The following CRMP1 variants were observed in gnomAD, a reference collection of about 807,000 sequenced individuals.
The protein encoded by CRMP1 is dihydropyrimidinase-related protein 1.
A neutral mutation model predicts 68.3 loss-of-function variants in CRMP1; 19 were observed. The observed-to-expected ratio is 0.28, with a 90% confidence interval of 0.19 to 0.41. The LOEUF (loss-of-function observed/expected upper bound fraction) is 0.41. CRMP1 is among the 10% of genes least tolerant of loss of function. The pLI, the probability that CRMP1 is intolerant of heterozygous loss-of-function variation, is 1.00. For synonymous variants in CRMP1, 439 were observed against 399.6 expected (o/e 1.10, Z -1.18); for missense variants, 791 against 967.4 (o/e 0.82, Z 2.42).
chr4:5,827,690 A>G (rs766225665), intron 12 of CRMP1, among the ~76,000 whole-genome samples: 13 of 151,734 alleles, frequency 8.6e-5, no homozygotes, highest in Non-Finnish European at 1.5e-4. Context: ...ATGCATGTAC[A>G]CATGCACACA....
chr4:5,875,002 G>T (rs1714713005), intron 1 of CRMP1, among the ~76,000 whole-genome samples: 1 of 152,192 alleles, frequency 6.6e-6, no homozygotes, highest in South Asian at 2.1e-4. Context: ...CAGAGGAGCA[G>T]CCAGGCAAGA....
chr4:5,851,595 C>T, intron 4 of CRMP1, 126 bp from the exon 5 acceptor site: 2 of 909,378 alleles, frequency 2.2e-6, no homozygotes, highest in Non-Finnish European at 3.5e-6. Context: ...TTGGGATCCC[C>T]AGTGGGGCAC....
At position 5,855,623 on chromosome 4, in the gene CRMP1, T is replaced by C. The variant is rs1713001542; in HGVS notation, c.820+520A>G. 6.6e-6 allele frequency among the ~76,000 whole-genome samples: 1 copy of C among 152,198 alleles called. No individual in the cohort carries two copies. Among genetic ancestry groups the C allele is most frequent in the Non-Finnish European group, 1.5e-5 (1 of 68,038 alleles). On this transcript the variant is annotated intron_variant, in intron 4 of 13. Coordinates refer to ENST00000324989, the MANE Select transcript of CRMP1 (RefSeq NM_001014809.3). This position sits in a 1 kb window ranked among gnomAD's most constrained non-coding sequence, Gnocchi z 4.9. ...GCAGAAGAGCCAGACAGACAAACCATGTCCCATAATCCAGGAACAATGGAA... is the reference window on the plus strand; with the variant it reads ...GCAGAAGAGCCAGACAGACAAACCACGTCCCATAATCCAGGAACAATGGAA...
chr4:5,874,146 C>G (rs1020175132), intron 1 of CRMP1, among the ~76,000 whole-genome samples: 1 of 152,124 alleles, frequency 6.6e-6, no homozygotes, highest in African/African-American at 2.4e-5. Flanking sequence ...AATTTGTCCT[C>G]TAGAAAATAT....
intron 5 of CRMP1, among the ~76,000 whole-genome samples, chr4:5,851,071 C>T (rs141083556): frequency 4.4e-4 from 67 of 152,298 alleles, no homozygotes; most frequent in African/African-American, 1.0e-3. Flanking sequence ...GCAGAGCTTT[C>T]GGGAAGTACA....
rs368103001 is a variant in CRMP1 at position 5,856,726 on chromosome 4, AT to A, written c.656-420del. On this transcript the variant is annotated intron_variant, in intron 3 of 13. Coordinates refer to ENST00000324989, the MANE Select transcript of CRMP1 (RefSeq NM_001014809.3). ...CACTACCACCACCGTCATCACTATC[AT>A]TATCGCTCATCACTATCATCACCTC... 7.1e-3 allele frequency among the ~76,000 whole-genome samples: 1,077 copies of A among 151,816 alleles called. 13 individuals carry two copies. Among genetic ancestry groups the A allele is most frequent in the African/African-American group, 0.023 (971 of 41,348 alleles).
Position 5,838,442 on chromosome 4 carries a change from G to T in CRMP1, c.1310+1080C>A, listed in dbSNP as rs1720871711. ...AATGTCTGACAGCAGACTGTGATGGGTAGGGTGGGGTGGGCCCGTGTGGAA... is the reference window on the plus strand; with the variant it reads ...AATGTCTGACAGCAGACTGTGATGGTTAGGGTGGGGTGGGCCCGTGTGGAA... On this transcript the variant is annotated intron_variant, in intron 9 of 13. Coordinates refer to ENST00000324989, the MANE Select transcript of CRMP1 (RefSeq NM_001014809.3). This position sits in a 1 kb window ranked among gnomAD's most constrained non-coding sequence, Gnocchi z 4.9. Among the ~76,000 whole-genome samples the T allele has an allele frequency of 6.6e-6, 1 of 152,022 alleles. No individual in the cohort carries two copies. Among genetic ancestry groups the T allele is most frequent in the Non-Finnish European group, 1.5e-5 (1 of 68,006 alleles).
In CRMP1 at chr4:5,841,491, C is replaced by T; in HGVS notation, c.1033-63G>A. ...TGGTGTAACAGCTACCACCCATCTC[C>T]ATTTTCCTTAATTGAATGTGATCAG... On this transcript the variant is annotated intron_variant, in intron 7 of 13. Transcript: ENST00000324989. The surrounding 1 kb of genome is among the most constrained non-coding windows in gnomAD (Gnocchi z 6.9). The T allele has an allele frequency of 6.3e-7, 1 of 1,599,742 alleles. No homozygotes were observed. The highest frequency in any genetic ancestry group is 8.5e-7 in the Non-Finnish European group (1 of 1,170,720).
Position 5,825,412 on chromosome 4 carries a change from G to A in CRMP1, c.1969+82C>T. On this transcript the variant is annotated intron_variant, in intron 13 of 13. Coordinates refer to ENST00000324989, the MANE Select transcript of CRMP1 (RefSeq NM_001014809.3). The surrounding 1 kb of genome is among the most constrained non-coding windows in gnomAD (Gnocchi z 4.4). ...CTTCATCTAGTGTCCAAGGCCACGT[G>A]TCCATTTCCTCAGAAGCAGCAGGAA... The A allele has an allele frequency of 6.7e-7, 1 of 1,492,566 alleles. No individual in the cohort carries two copies. Among genetic ancestry groups the A allele is most frequent in the Non-Finnish European group, 8.9e-7 (1 of 1,128,408 alleles). The allele number at this position is 1,492,566 out of a possible 1,614,324, so 92.5% of individuals were successfully genotyped here.
Position 5,856,286 on chromosome 4 carries a change from G to C in CRMP1, c.677C>G (p.Pro226Arg). 1 of 1,613,476 alleles carries C rather than the reference G, an allele frequency of 6.2e-7. No homozygotes were observed. Among genetic ancestry groups the C allele is most frequent in the Non-Finnish European group, 8.5e-7 (1 of 1,179,736 alleles). Residue 226 changes from proline (P) to arginine (R), a missense_variant, in exon 4 of 14, where the codon CCT (proline) becomes CGT (arginine). Around this residue, in one of 3 missense-constraint regions of CRMP1, gnomAD observed 594 missense variants for 763.6 expected, o/e 0.78. Coordinates refer to ENST00000324989, the MANE Select transcript of CRMP1 (RefSeq NM_001014809.3). ...GAAAGAGGTCAGTAGGCTGGACCCA[G>C]GTTCAGGAACAACATGGTCAACTGG... is the stretch of plus-strand genomic sequence containing the variant. Reference protein sequence around the residue: ...TMIIDHVVPEPGSSLLTSFEK... With the variant: ...TMIIDHVVPERGSSLLTSFEK...
chr4:5,892,907 C>T lies in CRMP1; in HGVS notation c.63G>A (p.Pro21=). 1 of 1,361,604 alleles carries T rather than the reference C, an allele frequency of 7.3e-7. No homozygotes were observed. The highest frequency in any genetic ancestry group is 3.1e-5 in the Admixed American group (1 of 32,290). 84.3% of individuals were successfully genotyped at this position (1,361,604 alleles called of 1,614,324 possible). Residue 21 remains proline, a synonymous_variant, in exon 1 of 14, where the codon CCG becomes CCA. Transcript: ENST00000324989. This position sits in a 1 kb window ranked among gnomAD's most constrained non-coding sequence, Gnocchi z 8.6. ...EDDLPVYLAR[P]GSAAQTPRQK... ...GGCGCGGGGTCTGCGCCGCGCTGCC[C>T]GGCCGCGCCAGGTACACGGGCAGGT... is the stretch of plus-strand genomic sequence containing the variant.
At chr4:5,828,988 A>G (rs949046267) in intron 11 of CRMP1, among the ~76,000 whole-genome samples, 1 of 152,136 alleles carries the variant, frequency 6.6e-6, no homozygotes, top group Non-Finnish European at 1.5e-5. Flanking sequence ...AAAAATAAGT[A>G]AAATGTTCTT....
intron 1 of CRMP1, among the ~76,000 whole-genome samples, chr4:5,876,004 T>C (rs916884406): frequency 6.6e-6 from 1 of 151,860 alleles, no homozygotes; most frequent in Non-Finnish European, 1.5e-5. Context: ...ATACAAAAAA[T>C]TAGCCGAGCA....
Position 5,866,835 on chromosome 4 carries a change from G to A in CRMP1, c.382-79C>T. 1.0e-6 allele frequency: 1 copy of A among 994,594 alleles called. No homozygotes were observed. Among genetic ancestry groups the A allele is most frequent in the Non-Finnish European group, 1.5e-6 (1 of 688,178 alleles). The allele number at this position is 994,594 out of a possible 1,614,324, so 61.6% of individuals were successfully genotyped here. ...TTTTTCTTTTTAATTTTTAATATAA[G>A]AATTATCAAATATTTTCAAAAGTAA... On this transcript the variant is annotated intron_variant, in intron 1 of 13. Transcript: ENST00000324989. This position sits in a 1 kb window ranked among gnomAD's most constrained non-coding sequence, Gnocchi z 5.9.
At chr4:5,846,610 T>G (rs1712217373) in intron 6 of CRMP1, among the ~76,000 whole-genome samples, 1 of 151,342 alleles carries the variant, frequency 6.6e-6, no homozygotes, top group African/African-American at 2.4e-5. Flanking sequence ...TTTTTTTTTT[T>G]AAGACGGGGT....
In CRMP1 at chr4:5,888,243, G is replaced by A; in HGVS notation, c.381+4346C>T. ...GGCCGCTTACCGTGATGTGCGGGAT[G>A]CTCTTCTTGCCCTGGTACGACATGG... is the stretch of plus-strand genomic sequence containing the variant. On this transcript the variant is annotated intron_variant, in intron 1 of 13. Transcript: ENST00000324989. The surrounding 1 kb of genome is among the most constrained non-coding windows in gnomAD (Gnocchi z 6.4). 3 of 1,287,960 alleles carry A rather than the reference G, an allele frequency of 2.3e-6. No homozygotes were observed. The highest frequency in any genetic ancestry group is 3.0e-6 in the Non-Finnish European group (3 of 1,011,600). The allele number at this position is 1,287,960 out of a possible 1,614,324, so 79.8% of individuals were successfully genotyped here.
chr4:5,847,032 G>A (rs995001476), intron 6 of CRMP1, among the ~76,000 whole-genome samples: 1 of 152,120 alleles, frequency 6.6e-6, no homozygotes, highest in Admixed American at 6.5e-5. Flanking sequence ...GAGCTCAGAA[G>A]GTAGAGCCAA....
At chr4:5,824,759 C>T (rs945394657) in intron 13 of CRMP1, 80 of 984,810 alleles carry the variant, frequency 8.1e-5, no homozygotes, top group Non-Finnish European at 8.3e-5. Context: ...CTCTTAGTAC[C>T]CAGCACGGTG....
At position 5,865,359 on chromosome 4, in the gene CRMP1, C is replaced by T. The variant is rs1274573123; in HGVS notation, c.470+1309G>A. On this transcript the variant is annotated intron_variant, in intron 2 of 13. Coordinates refer to ENST00000324989, the MANE Select transcript of CRMP1 (RefSeq NM_001014809.3). This position sits in a 1 kb window ranked among gnomAD's most constrained non-coding sequence, Gnocchi z 4.1. ...AAGGCCAGCCAGGCGCGATGGCTCA[C>T]ACCTGTAATCCCAGCACTTTGGGAG... Among the ~76,000 whole-genome samples, 2 of 152,136 alleles carry T rather than the reference C, an allele frequency of 1.3e-5. No individual in the cohort carries two copies. The highest frequency in any genetic ancestry group is 2.9e-5 in the Non-Finnish European group (2 of 68,024).
Sources: allele counts gnomAD v4.1 joint callset (sites outside exome capture counted in the v4.1 genomes callset), GRCh38; gene constraint gnomAD v4.1.1; regional missense constraint gnomAD v4.1.1; non-coding constraint Gnocchi (gnomAD v3.1); transcripts MANE v1.5; gene names NCBI Gene and HGNC (gene_info 2026-07-23, HGNC 2026-07-21).